Variants in HTR1F observed in about 807,000 individuals in gnomAD.
HTR1F encodes the protein 5-hydroxytryptamine receptor 1F.
HTR1F carries 17 observed loss-of-function variants against 24.0 expected under a neutral mutation model. That is an observed-to-expected ratio of 0.71 (90% CI 0.48 to 1.06). HTR1F has a LOEUF of 1.06. Ranked by LOEUF, HTR1F falls within the 50% of genes least tolerant of loss-of-function variation. The pLI, the probability that HTR1F is intolerant of heterozygous loss-of-function variation, is 0.00. For synonymous variants in HTR1F, 186 were observed against 156.8 expected, an observed-to-expected ratio of 1.19 and a Z score of -1.39; for missense variants, 391 against 427.8, an observed-to-expected ratio of 0.91 and a Z score of 0.76.
chr3:87,954,996 C>A (rs1232658901), intron 2 of HTR1F, among the ~76,000 whole-genome samples: 1 of 151,266 alleles, frequency 6.6e-6, no homozygotes, highest in African/African-American at 2.4e-5. Flanking sequence ...GTAGCTACCC[C>A]TGCTTTATTG....
chr3:87,947,387 A>G (rs2107454922), intron 2 of HTR1F, among the ~76,000 whole-genome samples: 1 of 152,340 alleles, frequency 6.6e-6, no homozygotes, highest in African/African-American at 2.4e-5. Flanking sequence ...ACAAGTGAAA[A>G]TAAGTTTTTG....
At chr3:87,830,507 T>C (rs1704552367) in intron 2 of HTR1F, among the ~76,000 whole-genome samples, 1 of 152,234 alleles carries the variant, frequency 6.6e-6, no homozygotes, top group Non-Finnish European at 1.5e-5. Context: ...ATTCACTATC[T>C]CATTTTCCTA....
At chr3:87,971,110 C>T (rs1394164621) in intron 2 of HTR1F, among the ~76,000 whole-genome samples, 2 of 152,208 alleles carry the variant, frequency 1.3e-5, no homozygotes, top group Admixed American at 1.3e-4. Flanking sequence ...AACACCTTAA[C>T]ACATACATGC....
At position 87,991,585 on chromosome 3, in the gene HTR1F, G is replaced by A; in HGVS notation, c.836G>A (p.Arg279Lys). ...RSEFKHEKSW[R>K]RQKISGTRER... The stretch of plus-strand genomic sequence containing the variant: ...GAATTCAAGCATGAGAAATCTTGGA[G>A]AAGGCAAAAGATCTCAGGTACAAGA... Residue 279 changes from arginine to lysine, a missense_variant, in exon 3 of 3, where the codon AGA becomes AAA. Coordinates refer to ENST00000319595, the MANE Select transcript of HTR1F (RefSeq NM_001322209.2). 1 of 1,614,094 alleles carries A rather than the reference G, an allele frequency of 6.2e-7. No individual in the cohort carries two copies. Among genetic ancestry groups the A allele is most frequent in the Non-Finnish European group, 8.5e-7 (1 of 1,179,996 alleles).
rs917342990 is a variant in HTR1F at position 87,902,591 on chromosome 3, C to CT, written c.-43+80475dup. On this transcript the variant is annotated intron_variant, in intron 2 of 2. Transcript: ENST00000319595. Reference sequence around the variant, plus strand: ...ATTTCTTTTTTTTGTTTGTTTGTTTCTTTTTTTTATTTTATCATTATTATA... The same window carrying CT: ...ATTTCTTTTTTTTGTTTGTTTGTTTCTTTTTTTTTATTTTATCATTATTATA... 1.3e-4 allele frequency among the ~76,000 whole-genome samples: 20 copies of CT among 151,650 alleles called. No individual in the cohort carries two copies. The East Asian group carries it at 2.7e-3, about 21-fold the overall frequency.
At chr3:87,796,128 T>A (rs1703900240) in intron 1 of HTR1F, among the ~76,000 whole-genome samples, 1 of 152,128 alleles carries the variant, frequency 6.6e-6, no homozygotes, top group Non-Finnish European at 1.5e-5. Flanking sequence ...TCACTAGTGT[T>A]TGCCAGCCTA....
At chr3:87,849,508 T>G (rs569784142) in intron 2 of HTR1F, among the ~76,000 whole-genome samples, 48 of 151,798 alleles carry the variant, frequency 3.2e-4, no homozygotes, top group Admixed American at 1.2e-3. Flanking sequence ...AAAAACCCTA[T>G]AAGAAAATCT....
intron 2 of HTR1F, among the ~76,000 whole-genome samples, chr3:87,825,605 C>T (rs1385043278): frequency 6.6e-6 from 1 of 152,038 alleles, no homozygotes; most frequent in Non-Finnish European, 1.5e-5. Context: ...CAAAATATTT[C>T]TGGGATTTAT....
intron 2 of HTR1F, among the ~76,000 whole-genome samples, chr3:87,952,550 A>C (rs1242387859): frequency 6.6e-6 from 1 of 152,020 alleles, no homozygotes; most frequent in African/African-American, 2.4e-5. Context: ...CATTGTCAGC[A>C]TCAATAAATT....
At chr3:87,922,364 A>G (rs1288899027) in intron 2 of HTR1F, among the ~76,000 whole-genome samples, 6 of 151,534 alleles carry the variant, frequency 4.0e-5, no homozygotes, top group African/African-American at 1.4e-4. Context: ...TTTTGAAATC[A>G]GATTTTTTTC....
chr3:87,830,314 G>T (rs1312605669), intron 2 of HTR1F, among the ~76,000 whole-genome samples: 6 of 152,110 alleles, frequency 3.9e-5, no homozygotes, highest in Non-Finnish European at 8.8e-5. Context: ...TCTATGCATT[G>T]TGTGTAAATT....
intron 2 of HTR1F, among the ~76,000 whole-genome samples, chr3:87,988,734 A>ATT (rs764903165): frequency 7.0e-6 from 1 of 143,158 alleles, no homozygotes; most frequent in African/African-American, 2.6e-5. Flanking sequence ...AAGCCCCAAT[A>ATT]ATTTTTTTTT....
chr3:87,930,788 G>T (rs1195604189), intron 2 of HTR1F, among the ~76,000 whole-genome samples: 1 of 152,010 alleles, frequency 6.6e-6, no homozygotes, highest in South Asian at 2.1e-4. Flanking sequence ...CATAATTATC[G>T]CTATATACAT....
intron 2 of HTR1F, among the ~76,000 whole-genome samples, chr3:87,855,035 T>C (rs115220508): frequency 6.6e-6 from 1 of 152,096 alleles, no homozygotes; most frequent in Non-Finnish European, 1.5e-5. Flanking sequence ...CTCATTGTTA[T>C]CTTCCCCCCA....
chr3:87,793,231 T>G (rs1575875165), intron 1 of HTR1F: 1 of 147,410 alleles, frequency 6.8e-6, no homozygotes, highest in Non-Finnish European at 1.5e-5. Context: ...GCCGCTGGGG[T>G]GGAGAGAGAC....
chr3:87,854,778 T>C (rs1210427649), intron 2 of HTR1F, among the ~76,000 whole-genome samples: 1 of 152,126 alleles, frequency 6.6e-6, no homozygotes, highest in Non-Finnish European at 1.5e-5. Context: ...TGTTTTGTGG[T>C]TCGAGACATT....
chr3:87,864,715 G>A (rs1705385950), intron 2 of HTR1F, among the ~76,000 whole-genome samples: 1 of 151,994 alleles, frequency 6.6e-6, no homozygotes, highest in Non-Finnish European at 1.5e-5. Flanking sequence ...GGCCAACATG[G>A]TGAAACACCG....
At chr3:87,920,583 T>C in intron 2 of HTR1F, among the ~76,000 whole-genome samples, 1 of 151,920 alleles carries the variant, frequency 6.6e-6, no homozygotes, top group Non-Finnish European at 1.5e-5. Context: ...GGAGTAGTTA[T>C]TGGAAAGGAA....
rs145982082 is a variant in HTR1F at position 87,956,808 on chromosome 3, TTTA to T, written c.-42-33896_-42-33894del. 5.3e-3 allele frequency among the ~76,000 whole-genome samples: 798 copies of T among 151,524 alleles called. 5 individuals carry two copies. Among genetic ancestry groups the T allele is most frequent in the African/African-American group, 0.019 (772 of 41,496 alleles). ...CTATTATATAAAACTACAATTGATT[TTTA>T]TTAACGTTGTATCCTGCAACTTGGT... is the stretch of plus-strand genomic sequence containing the variant. On this transcript the variant is annotated intron_variant, in intron 2 of 2. Coordinates refer to ENST00000319595, the MANE Select transcript of HTR1F (RefSeq NM_001322209.2).
Sources: gnomAD v4.1 joint callset for allele counts (sites outside exome capture counted in the v4.1 genomes callset) on GRCh38, gnomAD v4.1.1 for gene constraint, MANE v1.5 for transcripts, NCBI Gene and HGNC (gene_info 2026-07-23, HGNC 2026-07-21) for gene names.